LHFPL2: variants seen among roughly 807,000 people sequenced by gnomAD.
LHFPL2 encodes the protein LHFPL tetraspan subfamily member 2 protein.
LHFPL2 carries 7 observed loss-of-function variants against 17.5 expected under a neutral mutation model. The ratio of observed to expected loss-of-function variants is 0.40; its 90% CI spans 0.23 to 0.75. LHFPL2 has a LOEUF of 0.75. Ranked by LOEUF, LHFPL2 falls within the 30% of genes least tolerant of loss-of-function variation. LHFPL2 has a pLI of 0.37. For missense variants in LHFPL2, 241 were observed against 294.8 expected, an observed-to-expected ratio of 0.82 and a Z score of 1.34; for synonymous variants, 134 against 116.2, an observed-to-expected ratio of 1.15 and a Z score of -0.99.
In LHFPL2 at chr5:78,563,160, C is replaced by A. The variant is rs922153447; in HGVS notation, c.-186+1653G>T. Among the ~76,000 whole-genome samples, 7 of 152,182 alleles carry A rather than the reference C, an allele frequency of 4.6e-5. No individual in the cohort carries two copies. In the South Asian group the frequency reaches 6.2e-4, roughly 14 times the overall value. ...TAGAACTCTATGAGCACAAACCAGA[C>A]CTCACTATCAACCCCAGTGTCATCT... is the stretch of plus-strand genomic sequence containing the variant. On this transcript the variant is annotated intron_variant, in intron 3 of 4. Coordinates refer to ENST00000380345, the MANE Select transcript of LHFPL2 (RefSeq NM_005779.3).
intron 2 of LHFPL2, among the ~76,000 whole-genome samples, chr5:78,569,181 G>A (rs1040613563): frequency 3.3e-5 from 5 of 152,128 alleles, no homozygotes; most frequent in Non-Finnish European, 4.4e-5. Flanking sequence ...ACCAAAGCAA[G>A]ATTAGCTAAA....
intron 1 of LHFPL2, among the ~76,000 whole-genome samples, chr5:78,637,612 T>A (rs192978275): frequency 4.5e-4 from 68 of 152,222 alleles, no homozygotes; most frequent in African/African-American, 1.5e-3. Flanking sequence ...TCACAGGCCC[T>A]CCTGGCATGC....
chr5:78,627,178 A>G (rs1334485710), intron 2 of LHFPL2, among the ~76,000 whole-genome samples: 1 of 152,210 alleles, frequency 6.6e-6, no homozygotes, highest in Non-Finnish European at 1.5e-5. Context: ...GACATGAGAC[A>G]GTAAGGGTGT....
In LHFPL2 at chr5:78,583,168, A is replaced by T. The variant is rs539704634; in HGVS notation, c.-244-18297T>A. Among the ~76,000 whole-genome samples the T allele has an allele frequency of 9.3e-5, 14 of 151,244 alleles. No homozygotes were observed. The East Asian group carries it at 1.7e-3, about 19-fold the overall frequency. ...TCCTCCATCCTTTTATTTTGAGCCTATGTGTGTCTCTGCACATGAGATGGG... is the reference window on the plus strand; with the variant it reads ...TCCTCCATCCTTTTATTTTGAGCCTTTGTGTGTCTCTGCACATGAGATGGG... On this transcript the variant is annotated intron_variant, in intron 2 of 4. Transcript: ENST00000380345.
chr5:78,584,330 C>G (rs1199778452), intron 2 of LHFPL2, among the ~76,000 whole-genome samples: 4 of 152,216 alleles, frequency 2.6e-5, no homozygotes, highest in Non-Finnish European at 2.9e-5. Context: ...TGGTGAGGAA[C>G]TGCATTCCTT....
At chr5:78,507,992 G>A (rs780632964) in intron 4 of LHFPL2, among the ~76,000 whole-genome samples, 1 of 151,660 alleles carries the variant, frequency 6.6e-6, no homozygotes, top group South Asian at 2.1e-4. Flanking sequence ...CTGAGGCACC[G>A]TGTGTCCAAG....
At chr5:78,644,586 C>T (rs1378552037) in intron 1 of LHFPL2, 8 of 456,166 alleles carry the variant, frequency 1.8e-5, no homozygotes, top group Non-Finnish European at 2.0e-5. Context: ...GATCCTCGAA[C>T]TTCTTTTTTG....
chr5:78,495,287 C>T (rs1478867818), intron 4 of LHFPL2, among the ~76,000 whole-genome samples: 1 of 152,138 alleles, frequency 6.6e-6, no homozygotes, highest in African/African-American at 2.4e-5. Context: ...CCTGACCAAC[C>T]CACCCTCTCC....
intron 1 of LHFPL2, among the ~76,000 whole-genome samples, chr5:78,634,246 T>A (rs2112517602): frequency 6.6e-6 from 1 of 152,260 alleles, no homozygotes; most frequent in Non-Finnish European, 1.5e-5. Context: ...AAAATAGCAC[T>A]CAGGTCATGA....
In LHFPL2 at chr5:78,486,808, A is replaced by G. The variant is rs1236149454; in HGVS notation, c.*2089T>C. Reference sequence around the variant, plus strand: ...ATGGACATGCTCGGAGGATCCTGTGAGCTTAGGACTTAACTTGTAAGGACA... The same window carrying G: ...ATGGACATGCTCGGAGGATCCTGTGGGCTTAGGACTTAACTTGTAAGGACA... On this transcript the variant is annotated 3_prime_UTR_variant, in exon 5 of 5. Coordinates refer to ENST00000380345, the MANE Select transcript of LHFPL2 (RefSeq NM_005779.3). 1 of 152,220 alleles carries G rather than the reference A, an allele frequency of 6.6e-6. No individual in the cohort carries two copies. The highest frequency in any genetic ancestry group is 1.5e-5 in the Non-Finnish European group (1 of 68,044). The allele number at this position is 152,220 out of a possible 1,614,324, so 9.4% of individuals were successfully genotyped here.
At chr5:78,492,987 G>A (rs896402726) in intron 4 of LHFPL2, among the ~76,000 whole-genome samples, 1 of 152,294 alleles carries the variant, frequency 6.6e-6, no homozygotes, top group African/African-American at 2.4e-5. Context: ...TAACATAGCC[G>A]AGGCCATGGA....
At chr5:78,640,447 T>C (rs1218858929) in intron 1 of LHFPL2, among the ~76,000 whole-genome samples, 3 of 152,212 alleles carry the variant, frequency 2.0e-5, no homozygotes, top group Admixed American at 6.5e-5. Context: ...CCAGTATTTA[T>C]AACTATATCA....
intron 2 of LHFPL2, among the ~76,000 whole-genome samples, chr5:78,611,900 T>G (rs1744435173): frequency 6.6e-6 from 1 of 152,218 alleles, no homozygotes; most frequent in Non-Finnish European, 1.5e-5. Context: ...CCACATGTGA[T>G]ACAGACGAGT....
intron 3 of LHFPL2, among the ~76,000 whole-genome samples, chr5:78,532,655 T>C (rs973922075): frequency 5.3e-5 from 8 of 152,152 alleles, no homozygotes; most frequent in South Asian, 2.1e-4. Flanking sequence ...TGAGATACTA[T>C]GAATCCTTTT....
At chr5:78,557,230 G>A (rs1580805244) in intron 3 of LHFPL2, among the ~76,000 whole-genome samples, 1 of 152,206 alleles carries the variant, frequency 6.6e-6, no homozygotes, top group African/African-American at 2.4e-5. Context: ...AGCACTGAAA[G>A]AAAGGTATAG....
At chr5:78,591,325 T>A (rs1319582615) in intron 2 of LHFPL2, among the ~76,000 whole-genome samples, 1 of 152,210 alleles carries the variant, frequency 6.6e-6, no homozygotes, top group East Asian at 1.9e-4. Context: ...GCAACATTTT[T>A]CCCTTTGCAG....
At position 78,581,217 on chromosome 5, in the gene LHFPL2, T is replaced by C. The variant is rs929684896; in HGVS notation, c.-244-16346A>G. On this transcript the variant is annotated intron_variant, in intron 2 of 4. Transcript: ENST00000380345. Reference sequence around the variant, plus strand: ...GATTGACGATGGGGTTTTCTAGATATACAATCATGTCATCTGCAAACAGGG... The same window carrying C: ...GATTGACGATGGGGTTTTCTAGATACACAATCATGTCATCTGCAAACAGGG... Among the ~76,000 whole-genome samples, 8 of 152,348 alleles carry C rather than the reference T, an allele frequency of 5.3e-5. No individual in the cohort carries two copies. The East Asian group carries it at 7.7e-4, about 15-fold the overall frequency.
chr5:78,510,487 C>T, intron 3 of LHFPL2, 89 bp from the exon 4 acceptor site: 1 of 436,682 alleles, frequency 2.3e-6, no homozygotes. Context: ...CCGGCCCGTG[C>T]CCGCAGAACC....
At chr5:78,599,428 T>C (rs887692149) in intron 2 of LHFPL2, among the ~76,000 whole-genome samples, 1 of 151,882 alleles carries the variant, frequency 6.6e-6, no homozygotes, top group African/African-American at 2.4e-5. Flanking sequence ...GCCTCTCAAG[T>C]AGCTGGGATT....
Sources: allele counts gnomAD v4.1 joint callset (sites outside exome capture counted in the v4.1 genomes callset), GRCh38; gene constraint gnomAD v4.1.1; transcripts MANE v1.5; gene names NCBI Gene and HGNC (gene_info 2026-07-23, HGNC 2026-07-21).